The following SORCS3 variants were observed in gnomAD, a reference collection of about 807,000 sequenced individuals.
The protein encoded by SORCS3 is VPS10 domain-containing receptor SorCS3.
SORCS3 carries 57 observed loss-of-function variants against 146.3 expected under a neutral mutation model. That is an observed-to-expected ratio of 0.39 (90% CI 0.31 to 0.49). The LOEUF (loss-of-function observed/expected upper bound fraction) is 0.49, where lower values mean the gene tolerates loss of function less well. Among genes scored for constraint, SORCS3 ranks in the 20% least tolerant of loss-of-function variants. The pLI, the probability that SORCS3 is intolerant of heterozygous loss-of-function variation, is 0.92. For synonymous variants in SORCS3, 653 were observed against 618.5 expected, an observed-to-expected ratio of 1.06 and a Z score of -0.83; for missense variants, 1,341 against 1,575.5, an observed-to-expected ratio of 0.85 and a Z score of 2.52.
At chr10:105,098,168 G>A (rs975796167) in intron 6 of SORCS3, among the ~76,000 whole-genome samples, 5 of 152,128 alleles carry the variant, frequency 3.3e-5, no homozygotes, top group Non-Finnish European at 7.4e-5. Flanking sequence ...GGAATTGTGT[G>A]AACTCAGAGC....
intron 1 of SORCS3, among the ~76,000 whole-genome samples, chr10:104,777,854 G>GCC (rs956884453): frequency 2.6e-5 from 4 of 152,116 alleles, no homozygotes; most frequent in Admixed American, 2.6e-4. Context: ...TTACAAACTT[G>GCC]CCCACGCATT....
chr10:105,030,153 A>C (rs78914892), intron 4 of SORCS3, among the ~76,000 whole-genome samples: 3,104 of 152,304 alleles, frequency 0.02, 98 homozygotes, highest in African/African-American at 0.065. Flanking sequence ...AGTTAATGCT[A>C]TGTAACCATC....
At chr10:105,038,852 GTTTTA>G (rs1461310492) in intron 4 of SORCS3, among the ~76,000 whole-genome samples, 5 of 152,026 alleles carry the variant, frequency 3.3e-5, no homozygotes. Context: ...TGACACATGT[GTTTTA>G]TTTCTATTTT....
intron 4 of SORCS3, among the ~76,000 whole-genome samples, chr10:104,985,391 A>G (rs1253523152): frequency 6.6e-6 from 1 of 152,096 alleles, no homozygotes; most frequent in Non-Finnish European, 1.5e-5. Flanking sequence ...TTATAATTCT[A>G]CTATTCTTGC....
At chr10:104,964,136 A>T (rs1189097694) in intron 3 of SORCS3, among the ~76,000 whole-genome samples, 2 of 152,156 alleles carry the variant, frequency 1.3e-5, no homozygotes, top group Non-Finnish European at 2.9e-5. Flanking sequence ...TGAGAGGATT[A>T]AAAAACAAGC....
intron 1 of SORCS3, among the ~76,000 whole-genome samples, chr10:104,828,476 A>G (rs568868265): frequency 1.3e-5 from 2 of 152,284 alleles, no homozygotes; most frequent in East Asian, 1.9e-4. Flanking sequence ...CCAAAAAACA[A>G]TTACAAAGTA....
At chr10:104,793,880 G>C (rs763166006) in intron 1 of SORCS3, among the ~76,000 whole-genome samples, 1 of 152,198 alleles carries the variant, frequency 6.6e-6, no homozygotes, top group African/African-American at 2.4e-5. Flanking sequence ...CTAGCATTTA[G>C]GTGGCAATGA....
Position 104,853,085 on chromosome 10 carries a change from G to T in SORCS3, c.695+10226G>T, listed in dbSNP as rs189532085. Among the ~76,000 whole-genome samples the T allele has an allele frequency of 5.7e-3, 868 of 152,316 alleles. 15 individuals are homozygous for T. The highest frequency in any genetic ancestry group is 0.019 in the African/African-American group (808 of 41,572). On this transcript the variant is annotated intron_variant, in intron 2 of 26. Transcript: ENST00000369701. The stretch of plus-strand genomic sequence containing the variant: ...GAGGCCAAGGCGGGCGGATCACAAA[G>T]TCAGGAGTTCCAGACCAGCCTGACC...
chr10:104,790,643 GT>G (rs1363010038), intron 1 of SORCS3, among the ~76,000 whole-genome samples: 3 of 152,100 alleles, frequency 2.0e-5, no homozygotes, highest in Admixed American at 6.5e-5. Flanking sequence ...TTGTGTCCAT[GT>G]TTTTTTTCCC....
chr10:105,108,779 A>G (rs890956628), intron 7 of SORCS3, among the ~76,000 whole-genome samples: 1 of 152,234 alleles, frequency 6.6e-6, no homozygotes, highest in Non-Finnish European at 1.5e-5. Flanking sequence ...GCAACTATCA[A>G]TTAGCTAAGA....
At chr10:104,753,187 G>A (rs1056887135) in intron 1 of SORCS3, among the ~76,000 whole-genome samples, 2 of 152,194 alleles carry the variant, frequency 1.3e-5, no homozygotes, top group Non-Finnish European at 2.9e-5. Context: ...CTATCCAAAT[G>A]AGATTTACTT....
chr10:104,726,658 G>C (rs1330469681), intron 1 of SORCS3, among the ~76,000 whole-genome samples: 1 of 151,844 alleles, frequency 6.6e-6, no homozygotes, highest in Admixed American at 6.6e-5. Context: ...TTCCAAAGTT[G>C]CTCCTCCTCA....
At chr10:104,922,470 G>A (rs893118819) in intron 3 of SORCS3, among the ~76,000 whole-genome samples, 2 of 152,168 alleles carry the variant, frequency 1.3e-5, no homozygotes, top group African/African-American at 4.8e-5. Flanking sequence ...GCATGCAGGG[G>A]CCAGAAGATA....
chr10:105,230,557 C>G (rs1015558857), intron 20 of SORCS3, among the ~76,000 whole-genome samples: 2 of 152,226 alleles, frequency 1.3e-5, no homozygotes, highest in African/African-American at 4.8e-5. Flanking sequence ...GCAGCCCAAA[C>G]TTCACTAACC....
intron 22 of SORCS3, among the ~76,000 whole-genome samples, chr10:105,249,955 G>A (rs1170013828): frequency 6.6e-6 from 1 of 152,150 alleles, no homozygotes; most frequent in Non-Finnish European, 1.5e-5. Flanking sequence ...GTGTTAGTCT[G>A]TTTGGGCTGC....
At chr10:104,871,857 G>A (rs1010532448) in intron 2 of SORCS3, among the ~76,000 whole-genome samples, 3 of 152,064 alleles carry the variant, frequency 2.0e-5, no homozygotes, top group Admixed American at 6.6e-5. Flanking sequence ...TGTGAGATGC[G>A]CTTGCTTAGT....
Position 105,167,301 on chromosome 10 carries a change from G to T in SORCS3, c.1853G>T (p.Gly618Val). 6.2e-7 allele frequency: 1 copy of T among 1,613,402 alleles called. No individual in the cohort carries two copies. Among genetic ancestry groups the T allele is most frequent in the East Asian group, 2.2e-5 (1 of 44,860 alleles). Reference sequence around the variant, plus strand: ...AATGTCTGGTTCCTAGACTGGGGTGGTGCCCTCGTGGCCATGAAACACACA... The same window carrying T: ...AATGTCTGGTTCCTAGACTGGGGTGTTGCCCTCGTGGCCATGAAACACACA... ...EYNVWFLDWG[G>V]ALVAMKHTPL... Residue 618 changes from glycine (G) to valine (V), a missense_variant, in exon 13 of 27, where the codon GGT becomes GTT. Coordinates refer to ENST00000369701, the MANE Select transcript of SORCS3 (RefSeq NM_014978.3).
intron 16 of SORCS3, among the ~76,000 whole-genome samples, chr10:105,207,851 T>C (rs1348706130): frequency 1.3e-5 from 2 of 152,190 alleles, no homozygotes; most frequent in Admixed American, 6.5e-5. Context: ...CGGTTATATT[T>C]AGCAAAGACC....
chr10:104,833,856 A>G (rs1389137404), intron 1 of SORCS3, among the ~76,000 whole-genome samples: 1 of 152,126 alleles, frequency 6.6e-6, no homozygotes, highest in Non-Finnish European at 1.5e-5. Context: ...CTCCATTTGA[A>G]TGTCTCTTAG....
Sources: allele counts gnomAD v4.1 joint callset (sites outside exome capture counted in the v4.1 genomes callset), GRCh38; gene constraint gnomAD v4.1.1; transcripts MANE v1.5; gene names NCBI Gene and HGNC (gene_info 2026-07-23, HGNC 2026-07-21).